Variants in RBMS3 observed in about 807,000 individuals in gnomAD.
RBMS3 encodes RNA-binding motif, single-stranded-interacting protein 3.
RBMS3 carries 27 observed loss-of-function variants against 66.8 expected under a neutral mutation model. The ratio of observed to expected loss-of-function variants is 0.40; its 90% CI spans 0.30 to 0.56. The LOEUF (loss-of-function observed/expected upper bound fraction) is 0.56. Among genes scored for constraint, RBMS3 ranks in the 20% least tolerant of loss-of-function variants. The pLI is 0.40. For synonymous variants in RBMS3, 188 were observed against 183.0 expected, an observed-to-expected ratio of 1.03 and a Z score of -0.22; for missense variants, 513 against 549.5, an observed-to-expected ratio of 0.93 and a Z score of 0.66.
chr3:29,673,083 C>A (rs1182267652), intron 4 of RBMS3, among the ~76,000 whole-genome samples: 3 of 152,192 alleles, frequency 2.0e-5, no homozygotes, highest in Admixed American at 2.0e-4. Flanking sequence ...AATTAGAACT[C>A]AGGATTAAGA....
intron 10 of RBMS3, among the ~76,000 whole-genome samples, chr3:29,930,970 T>C (rs1013025612): frequency 2.6e-5 from 4 of 152,158 alleles, no homozygotes; most frequent in Non-Finnish European, 4.4e-5. Flanking sequence ...ACTTTTTGAT[T>C]AGAAGTTTTA....
chr3:29,672,123 G>A (rs1461225531), intron 4 of RBMS3, among the ~76,000 whole-genome samples: 5 of 152,110 alleles, frequency 3.3e-5, no homozygotes, highest in Admixed American at 2.6e-4. Flanking sequence ...GAGAGTGGGG[G>A]CCGATATTCA....
chr3:29,674,565 A>G (rs2051151851), intron 4 of RBMS3, among the ~76,000 whole-genome samples: 1 of 152,172 alleles, frequency 6.6e-6, no homozygotes, highest in Non-Finnish European at 1.5e-5. Flanking sequence ...GTCTCAGGAT[A>G]CAAAATCAGT....
chr3:29,795,246 A>G (rs1158120738), intron 6 of RBMS3, among the ~76,000 whole-genome samples: 1 of 152,190 alleles, frequency 6.6e-6, no homozygotes, highest in Non-Finnish European at 1.5e-5. Flanking sequence ...GAAATCACAG[A>G]TGTGTATATA....
At chr3:29,646,216 A>G (rs970477414) in intron 4 of RBMS3, among the ~76,000 whole-genome samples, 1 of 152,216 alleles carries the variant, frequency 6.6e-6, no homozygotes, top group Admixed American at 6.5e-5. Context: ...TCCAGACTGG[A>G]CAGTACAAGT....
intron 1 of RBMS3, among the ~76,000 whole-genome samples, chr3:29,373,750 G>T (rs964025166): frequency 6.6e-6 from 1 of 152,210 alleles, no homozygotes; most frequent in Non-Finnish European, 1.5e-5. Flanking sequence ...TGGTTTCTGA[G>T]TGCCTGTTTG....
At chr3:29,826,453 C>T (rs951739759) in intron 6 of RBMS3, among the ~76,000 whole-genome samples, 5 of 152,122 alleles carry the variant, frequency 3.3e-5, no homozygotes, top group East Asian at 1.9e-4. Flanking sequence ...CCTAATTTAA[C>T]GTATAACTCT....
chr3:29,891,677 T>G (rs1337786803), intron 8 of RBMS3, among the ~76,000 whole-genome samples: 1 of 151,556 alleles, frequency 6.6e-6, no homozygotes, highest in African/African-American at 2.4e-5. Context: ...TTTATTTGAA[T>G]AAAATATATT....
At chr3:29,702,619 C>T (rs903434242) in intron 4 of RBMS3, among the ~76,000 whole-genome samples, 3 of 152,102 alleles carry the variant, frequency 2.0e-5, no homozygotes, top group East Asian at 1.9e-4. Context: ...CTGAGGCCAG[C>T]GAGACCACAA....
At chr3:29,863,028 T>G (rs763361006) in intron 6 of RBMS3, among the ~76,000 whole-genome samples, 9 of 152,124 alleles carry the variant, frequency 5.9e-5, no homozygotes, top group Non-Finnish European at 1.2e-4. Flanking sequence ...TTATGTGAAT[T>G]TTAGTTCACC....
rs150061192 is a variant in RBMS3 at position 29,403,981 on chromosome 3, A to G, written c.76-30762A>G. Among the ~76,000 whole-genome samples the G allele has an allele frequency of 4.4e-3, 671 of 152,200 alleles. 8 individuals are homozygous for G. The highest frequency in any genetic ancestry group is 0.015 in the African/African-American group (634 of 41,572). On this transcript the variant is annotated intron_variant, in intron 1 of 14. Coordinates refer to ENST00000383767, the MANE Select transcript of RBMS3 (RefSeq NM_001003793.3). ...TATCAACATTCTTCTCGAGTGGATT[A>G]TGTGGTATCATCATAGATTGGATGA...
At chr3:29,373,592 G>T (rs961019473) in intron 1 of RBMS3, among the ~76,000 whole-genome samples, 13 of 152,322 alleles carry the variant, frequency 8.5e-5, no homozygotes, top group African/African-American at 3.1e-4. Flanking sequence ...TGTTATCAGT[G>T]GTTAAGGTCC....
chr3:29,357,100 C>T (rs1013341429), intron 1 of RBMS3, among the ~76,000 whole-genome samples: 1 of 151,926 alleles, frequency 6.6e-6, no homozygotes, highest in Non-Finnish European at 1.5e-5. Flanking sequence ...GCACAACGTG[C>T]AGGTTTGTTA....
In RBMS3 at chr3:29,897,387, C is replaced by A. The variant is rs1266536426; in HGVS notation, c.800C>A (p.Ser267Tyr). ...TTGTTTTCTGTTTGCAGATTTTATT[C>A]TTCACCGTACAGTATTGCAACCAAC... Reference protein sequence around the residue: ...PTAAIQNGFYSSPYSIATNRM... With the variant: ...PTAAIQNGFYYSPYSIATNRM... Residue 267 changes from serine to tyrosine, a missense_variant, in exon 9 of 15, where the codon TCT (serine) becomes TAT (tyrosine). Physicochemically the swap from Ser to Tyr is moderately radical, Grantham distance 144. Coordinates refer to ENST00000383767, the MANE Select transcript of RBMS3 (RefSeq NM_001003793.3). The A allele has an allele frequency of 3.1e-6, 5 of 1,610,392 alleles. No individual in the cohort carries two copies. Among genetic ancestry groups the A allele is most frequent in the Admixed American group, 3.4e-5 (2 of 59,682 alleles).
At chr3:29,947,014 G>A (rs1250953977) in intron 12 of RBMS3, among the ~76,000 whole-genome samples, 1 of 151,570 alleles carries the variant, frequency 6.6e-6, no homozygotes, top group Admixed American at 6.6e-5. Flanking sequence ...CAAACTGTGG[G>A]TTTAAGGAAG....
chr3:29,845,188 G>A (rs531125712), intron 6 of RBMS3, among the ~76,000 whole-genome samples: 1 of 152,290 alleles, frequency 6.6e-6, no homozygotes, highest in South Asian at 2.1e-4. Context: ...AAGATGCCTG[G>A]CTCATAAAAT....
At position 29,525,723 on chromosome 3, in the gene RBMS3, C is replaced by G. The variant is rs913042432; in HGVS notation, c.307+37224C>G. Among the ~76,000 whole-genome samples the G allele has an allele frequency of 3.3e-5, 5 of 152,270 alleles. No individual in the cohort carries two copies. In the Middle Eastern group the frequency reaches 0.01, roughly 311 times the overall value. Reference sequence around the variant, plus strand: ...ATCTTCAATCTTTGTTCCCTAAACACAGGCTTGTGTGAACATGCTATTAGC... The same window carrying G: ...ATCTTCAATCTTTGTTCCCTAAACAGAGGCTTGTGTGAACATGCTATTAGC... On this transcript the variant is annotated intron_variant, in intron 3 of 14. Transcript: ENST00000383767.
chr3:29,313,137 T>C (rs1417115227), intron 1 of RBMS3, among the ~76,000 whole-genome samples: 1 of 151,794 alleles, frequency 6.6e-6, no homozygotes, highest in Non-Finnish European at 1.5e-5. Context: ...TTGCTTGTTA[T>C]ACACATCATT....
At chr3:29,817,963 T>C (rs1315060952) in intron 6 of RBMS3, among the ~76,000 whole-genome samples, 1 of 152,198 alleles carries the variant, frequency 6.6e-6, no homozygotes, top group South Asian at 2.1e-4. Flanking sequence ...ACCTGCTATA[T>C]GCTATACTCT....
Sources: allele counts gnomAD v4.1 joint callset (sites outside exome capture counted in the v4.1 genomes callset), GRCh38; gene constraint gnomAD v4.1.1; transcripts MANE v1.5; gene names NCBI Gene and HGNC (gene_info 2026-07-23, HGNC 2026-07-21).